ARHGAP26: variants seen among roughly 807,000 people sequenced by gnomAD.
The protein encoded by ARHGAP26 is Rho GTPase activating protein 26, also known as rho GTPase-activating protein 26.
Under a neutral mutation model 104.8 loss-of-function variants are expected in ARHGAP26, and 38 were observed. That is an observed-to-expected ratio of 0.36 (90% CI 0.28 to 0.48). The LOEUF is 0.48. Among genes scored for constraint, ARHGAP26 ranks in the 20% least tolerant of loss-of-function variants. The pLI, the probability that ARHGAP26 is intolerant of heterozygous loss-of-function variation, is 0.99. For missense variants in ARHGAP26, 704 were observed against 947.9 expected (o/e 0.74, Z 3.38); for synonymous variants, 341 against 340.0 (o/e 1.00, Z -0.03).
At chr5:143,093,431 A>G (rs1191826281) in intron 17 of ARHGAP26, among the ~76,000 whole-genome samples, 6 of 152,180 alleles carry the variant, frequency 3.9e-5, no homozygotes, top group African/African-American at 1.2e-4. Context: ...ATTATCAATT[A>G]TAGGTTTTAA....
chr5:142,801,800 G>A (rs1357745014), intron 1 of ARHGAP26, among the ~76,000 whole-genome samples: 1 of 152,106 alleles, frequency 6.6e-6, no homozygotes, highest in Non-Finnish European at 1.5e-5. Context: ...AACTTTTGTG[G>A]TTAGAGAAGC....
intron 17 of ARHGAP26, among the ~76,000 whole-genome samples, chr5:143,101,532 C>T (rs1462971807): frequency 1.3e-5 from 2 of 152,076 alleles, no homozygotes; most frequent in African/African-American, 4.8e-5. Context: ...GTCACCATTT[C>T]TGATTTTTTT....
At chr5:143,180,507 TAAAG>T (rs1029054778) in intron 20 of ARHGAP26, among the ~76,000 whole-genome samples, 30 of 152,314 alleles carry the variant, frequency 2.0e-4, no homozygotes, top group African/African-American at 7.0e-4. Context: ...GTCACTGCTA[TAAAG>T]AAATACCTGA....
intron 17 of ARHGAP26, among the ~76,000 whole-genome samples, chr5:143,072,843 C>A (rs891861877): frequency 6.6e-6 from 1 of 152,046 alleles, no homozygotes; most frequent in Non-Finnish European, 1.5e-5. Context: ...GAAATATAGT[C>A]TAGTATTTTA....
intron 20 of ARHGAP26, among the ~76,000 whole-genome samples, chr5:143,199,712 T>TG (rs1807413828): frequency 1.3e-5 from 2 of 152,162 alleles, no homozygotes; most frequent in Admixed American, 1.3e-4. Context: ...GACATATCAC[T>TG]GGGGACCTGG....
chr5:143,006,122 T>C (rs921408466), intron 11 of ARHGAP26, among the ~76,000 whole-genome samples: 10 of 152,178 alleles, frequency 6.6e-5, no homozygotes, highest in African/African-American at 1.7e-4. Flanking sequence ...CCAAATAAGA[T>C]AAATCTGTAT....
intron 22 of ARHGAP26, among the ~76,000 whole-genome samples, chr5:143,220,191 CAG>C (rs1810955331): frequency 1.3e-5 from 2 of 152,148 alleles, no homozygotes; most frequent in African/African-American, 4.8e-5. Context: ...TTTGTTTTGT[CAG>C]TCTGGCTGCT....
chr5:142,895,770 A>C (rs1199218948), intron 6 of ARHGAP26, among the ~76,000 whole-genome samples: 1 of 152,132 alleles, frequency 6.6e-6, no homozygotes, highest in Non-Finnish European at 1.5e-5. Context: ...AGATCACTTG[A>C]GACCAAGAGT....
intron 6 of ARHGAP26, among the ~76,000 whole-genome samples, chr5:142,900,776 TA>T (rs1289355670): frequency 6.6e-6 from 1 of 152,158 alleles, no homozygotes; most frequent in Admixed American, 6.5e-5. Context: ...AAAAATCATT[TA>T]GGGACTGAAA....
intron 1 of ARHGAP26, among the ~76,000 whole-genome samples, chr5:142,862,716 CTT>C (rs899347641): frequency 3.9e-4 from 60 of 152,244 alleles, no homozygotes; most frequent in African/African-American, 1.4e-3. Flanking sequence ...TTCTCTGGCT[CTT>C]TGTCCTGAAT....
intron 1 of ARHGAP26, among the ~76,000 whole-genome samples, chr5:142,815,317 C>T (rs968408794): frequency 3.3e-5 from 5 of 152,304 alleles, no homozygotes; most frequent in African/African-American, 7.2e-5. Flanking sequence ...CTGGGATTAC[C>T]GGTGTGAACC....
At position 143,074,936 on chromosome 5, in the gene ARHGAP26, C is replaced by T. The variant is rs1307159057; in HGVS notation, c.1538+17189C>T. 2.6e-5 allele frequency among the ~76,000 whole-genome samples: 4 copies of T among 152,298 alleles called. No homozygotes were observed. In the East Asian group the frequency reaches 7.7e-4, roughly 29 times the overall value. On this transcript the variant is annotated intron_variant, in intron 17 of 22. Coordinates refer to ENST00000645722, the MANE Select transcript of ARHGAP26 (RefSeq NM_001135608.3). ...CTAGAGGGTAGCATGGGCCTGTCCA[C>T]AGGTGAACTACACTCCAGCTCTGTG...
In ARHGAP26 at chr5:143,155,450, G is replaced by A. The variant is rs560614384; in HGVS notation, c.1988+8069G>A. On this transcript the variant is annotated intron_variant, in intron 20 of 22. Coordinates refer to ENST00000645722, the MANE Select transcript of ARHGAP26 (RefSeq NM_001135608.3). ...GCCCAGCTGGGCTTCCCTTGGTTGA[G>A]GGTGGAAATTCCTGCCTTCATCCAA... Among the ~76,000 whole-genome samples, 3 of 152,336 alleles carry A rather than the reference G, an allele frequency of 2.0e-5. No individual in the cohort carries two copies. The South Asian group carries it at 6.2e-4, about 32-fold the overall frequency.
At chr5:142,983,473 T>C (rs1033170093) in intron 11 of ARHGAP26, among the ~76,000 whole-genome samples, 1 of 152,206 alleles carries the variant, frequency 6.6e-6, no homozygotes, top group African/African-American at 2.4e-5. Context: ...CTCAAAGTGC[T>C]GGGATTACAG....
At chr5:143,132,081 G>C (rs538165312) in intron 18 of ARHGAP26, among the ~76,000 whole-genome samples, 1 of 151,978 alleles carries the variant, frequency 6.6e-6, no homozygotes, top group Non-Finnish European at 1.5e-5. Context: ...ACTCAGCTAC[G>C]TGTAGTGATT....
At position 143,031,823 on chromosome 5, in the gene ARHGAP26, C is replaced by T. The variant is rs190266493; in HGVS notation, c.1145-5373C>T. Among the ~76,000 whole-genome samples, 353 of 152,150 alleles carry T rather than the reference C, an allele frequency of 2.3e-3. 1 individual carries two copies. The highest frequency in any genetic ancestry group is 4.8e-3 in the Admixed American group (74 of 15,280). On this transcript the variant is annotated intron_variant, in intron 12 of 22. Transcript: ENST00000645722. ...GCAGTCTCTGCCTCTTGGGTTCAAG[C>T]GATTCAAGCCTCCTCCTTTTAGATA... is the stretch of plus-strand genomic sequence containing the variant.
At chr5:143,155,004 T>C (rs1800304471) in intron 20 of ARHGAP26, among the ~76,000 whole-genome samples, 1 of 152,228 alleles carries the variant, frequency 6.6e-6, no homozygotes, top group South Asian at 2.1e-4. Flanking sequence ...CCTCTGTGGC[T>C]GGATCAACTT....
intron 11 of ARHGAP26, among the ~76,000 whole-genome samples, chr5:142,935,430 C>G (rs1022187043): frequency 5.3e-5 from 8 of 152,338 alleles, no homozygotes; most frequent in Non-Finnish European, 8.8e-5. Flanking sequence ...GGCTAAAAAG[C>G]TGCCATGGAC....
At chr5:143,197,528 C>T (rs1807059318) in intron 20 of ARHGAP26, among the ~76,000 whole-genome samples, 1 of 152,098 alleles carries the variant, frequency 6.6e-6, no homozygotes, top group East Asian at 1.9e-4. Context: ...TTTTAACATC[C>T]CTATTCAGGT....
Sources: gnomAD v4.1 joint callset for allele counts (sites outside exome capture counted in the v4.1 genomes callset) on GRCh38, gnomAD v4.1.1 for gene constraint, MANE v1.5 for transcripts, NCBI Gene and HGNC (gene_info 2026-07-23, HGNC 2026-07-21) for gene names.